The following NEGR1 variants were observed in gnomAD, a reference collection of about 807,000 sequenced individuals.
NEGR1 encodes neuronal growth regulator 1.
A neutral mutation model predicts 40.9 loss-of-function variants in NEGR1; 10 were observed. That is an observed-to-expected ratio of 0.24 (90% CI 0.15 to 0.42). The LOEUF is 0.42. Ranked by LOEUF, NEGR1 falls within the 10% of genes least tolerant of loss-of-function variation. The pLI is 1.00. For missense variants in NEGR1, 352 were observed against 438.9 expected (o/e 0.80, Z 1.77); for synonymous variants, 185 against 166.8 (o/e 1.11, Z -0.84).
rs747176821 is a variant in NEGR1 at position 71,928,350 on chromosome 1, GTA to G, written c.409+6727_409+6728del. Among the ~76,000 whole-genome samples the G allele has an allele frequency of 3.5e-3, 122 of 35,320 alleles. 12 individuals are homozygous for G. The highest frequency in any genetic ancestry group is 6.2e-3 in the Admixed American group (17 of 2,756). The allele number at this position is 35,320 out of a possible 152,430, so 23.2% of individuals were successfully genotyped here. ...TATATATGTATATATACACACATGT[GTA>G]TATATATATACACATATGTATATAT... On this transcript the variant is annotated intron_variant, in intron 2 of 6. Coordinates refer to ENST00000357731, the MANE Select transcript of NEGR1 (RefSeq NM_173808.3).
At position 71,898,974 on chromosome 1, in the gene NEGR1, TATATAGC is replaced by T. The variant is rs1402064960; in HGVS notation, c.409+36098_409+36104del. 5.5e-3 allele frequency among the ~76,000 whole-genome samples: 220 copies of T among 40,302 alleles called. 4 individuals are homozygous for T. The highest frequency in any genetic ancestry group is 0.019 in the South Asian group (20 of 1,074). 26.4% of individuals were successfully genotyped at this position (40,302 alleles called of 152,430 possible). A position where few individuals can be genotyped will look rare whatever the true frequency, so the allele number is the denominator to read the frequency against. ...AATATATATATATAGCATATATATA[TATATAGC>T]ATATATATATATATATATATATATA... On this transcript the variant is annotated intron_variant, in intron 2 of 6. Transcript: ENST00000357731.
chr1:72,245,013 A>C (rs966113102), intron 1 of NEGR1, among the ~76,000 whole-genome samples: 20 of 152,048 alleles, frequency 1.3e-4, no homozygotes, highest in African/African-American at 4.8e-4. Context: ...GACCGTAAAG[A>C]GCATGTATTT....
rs916903072 is a variant in NEGR1, at chr1:71,435,124, A to G, written c.941-27554T>C. 1.6e-3 allele frequency among the ~76,000 whole-genome samples: 245 copies of G among 152,070 alleles called. 1 individual carries two copies. Among genetic ancestry groups the G allele is most frequent in the African/African-American group, 5.6e-3 (234 of 41,428 alleles). On this transcript the variant is annotated intron_variant, in intron 6 of 6. Transcript: ENST00000357731. ...AAACAAACAAACAAAAAAAAAAAAAAAAGAGGGAATTATTGTATCTACATC... is the reference window on the plus strand; with the variant it reads ...AAACAAACAAACAAAAAAAAAAAAAGAAGAGGGAATTATTGTATCTACATC...
At chr1:72,199,648 C>G (rs1294337509) in intron 1 of NEGR1, among the ~76,000 whole-genome samples, 1 of 151,910 alleles carries the variant, frequency 6.6e-6, no homozygotes, top group Non-Finnish European at 1.5e-5. Context: ...AATGTCCCTA[C>G]CTTAAAAACA....
chr1:71,613,840 T>C (rs1023998843), intron 4 of NEGR1, among the ~76,000 whole-genome samples: 1 of 152,162 alleles, frequency 6.6e-6, no homozygotes, highest in African/African-American at 2.4e-5. Flanking sequence ...TTCAGAAATA[T>C]GGCCTAAGTG....
chr1:72,092,469 A>G (rs1379670864), intron 1 of NEGR1, among the ~76,000 whole-genome samples: 1 of 152,096 alleles, frequency 6.6e-6, no homozygotes, highest in Non-Finnish European at 1.5e-5. Context: ...CTGGAAGGAA[A>G]CATGCCTTTA....
intron 2 of NEGR1, among the ~76,000 whole-genome samples, chr1:71,894,232 A>AATG (rs368222494): frequency 6.8e-6 from 1 of 148,058 alleles, no homozygotes; most frequent in African/African-American, 2.5e-5. Flanking sequence ...TAATAATAAT[A>AATG]AAAAAAGAAA....
intron 1 of NEGR1, among the ~76,000 whole-genome samples, chr1:72,104,703 A>T (rs1163766105): frequency 1.3e-5 from 2 of 151,952 alleles, no homozygotes; most frequent in South Asian, 4.2e-4. Context: ...AATTTGATAG[A>T]CTCTTGTAGG....
intron 3 of NEGR1, among the ~76,000 whole-genome samples, chr1:71,763,332 G>T (rs969186920): frequency 2.6e-5 from 4 of 152,086 alleles, no homozygotes; most frequent in Admixed American, 2.6e-4. Context: ...GGCTTTATTT[G>T]TCTTTGGTCT....
chr1:71,852,187 T>C (rs1164202554), intron 2 of NEGR1, among the ~76,000 whole-genome samples: 1 of 152,092 alleles, frequency 6.6e-6, no homozygotes, highest in African/African-American at 2.4e-5. Flanking sequence ...CAATGCTACA[T>C]AATAAGAGAT....
intron 5 of NEGR1, among the ~76,000 whole-genome samples, chr1:71,595,390 A>G (rs1649662192): frequency 6.6e-6 from 1 of 152,204 alleles, no homozygotes. Flanking sequence ...TGTGTTTTAG[A>G]AGTGCTAACT....
chr1:72,202,860 C>T (rs1052934475), intron 1 of NEGR1, among the ~76,000 whole-genome samples: 1 of 151,938 alleles, frequency 6.6e-6, no homozygotes, highest in African/African-American at 2.4e-5. Flanking sequence ...GAATTATGCT[C>T]AATCAACTCT....
chr1:71,697,043 G>A (rs1394517837), intron 4 of NEGR1, among the ~76,000 whole-genome samples: 1 of 151,746 alleles, frequency 6.6e-6, no homozygotes. Flanking sequence ...TGTTTTGAAA[G>A]TTATTTTTTG....
chr1:71,444,113 C>T (rs957596396), intron 6 of NEGR1, among the ~76,000 whole-genome samples: 1 of 152,106 alleles, frequency 6.6e-6, no homozygotes, highest in Admixed American at 6.6e-5. Context: ...AGAGTAACAT[C>T]TTTTTCTATC....
At chr1:72,138,580 A>G (rs1180713523) in intron 1 of NEGR1, among the ~76,000 whole-genome samples, 1 of 152,028 alleles carries the variant, frequency 6.6e-6, no homozygotes, top group Non-Finnish European at 1.5e-5. Flanking sequence ...GACTGTATTA[A>G]TAATAGAAAA....
chr1:71,806,379 C>T (rs13376015), intron 2 of NEGR1, among the ~76,000 whole-genome samples: 2,629 of 151,606 alleles, frequency 0.017, 64 homozygotes, highest in African/African-American at 0.06. Context: ...AGTGTAAAGC[C>T]CTATGATAAC....
chr1:71,991,854 C>A (rs1444768453), intron 1 of NEGR1, among the ~76,000 whole-genome samples: 1 of 152,122 alleles, frequency 6.6e-6, no homozygotes, highest in Admixed American at 6.5e-5. Flanking sequence ...TGCAGTGGCA[C>A]GATCTCGACT....
intron 1 of NEGR1, among the ~76,000 whole-genome samples, chr1:72,275,983 C>G (rs535672906): frequency 6.6e-6 from 1 of 152,126 alleles, no homozygotes; most frequent in Admixed American, 6.6e-5. Context: ...GTAGTCCCAG[C>G]TACTCAGAGG....
intron 5 of NEGR1, among the ~76,000 whole-genome samples, chr1:71,609,555 A>AAAAAAAAAAAAC (rs1282450509): frequency 7.1e-6 from 1 of 141,348 alleles, no homozygotes; most frequent in African/African-American, 2.7e-5. Flanking sequence ...AAAAAAAAAA[A>AAAAAAAAAAAAC]AGAAATGAGA....
Sources: gnomAD v4.1 joint callset for allele counts (sites outside exome capture counted in the v4.1 genomes callset) on GRCh38, gnomAD v4.1.1 for gene constraint, MANE v1.5 for transcripts, NCBI Gene and HGNC (gene_info 2026-07-23, HGNC 2026-07-21) for gene names.